The following PPP1R1C variants were observed in gnomAD, a reference collection of about 807,000 sequenced individuals.
The protein encoded by PPP1R1C is protein phosphatase 1 regulatory inhibitor subunit 1C.
A neutral mutation model predicts 17.4 loss-of-function variants in PPP1R1C; 15 were observed. The ratio of observed to expected loss-of-function variants is 0.86; its 90% CI spans 0.58 to 1.33. The LOEUF (loss-of-function observed/expected upper bound fraction) is 1.33. Ranked by LOEUF, PPP1R1C falls within the 40% of genes most tolerant of loss-of-function variation. PPP1R1C has a pLI of 0.00. For synonymous variants in PPP1R1C, 35 were observed against 43.1 expected, an observed-to-expected ratio of 0.81 and a Z score of 0.73; for missense variants, 143 against 130.0, an observed-to-expected ratio of 1.10 and a Z score of -0.48.
At chr2:181,955,553 T>G (rs985136252) in intron 1 of PPP1R1C, among the ~76,000 whole-genome samples, 1 of 152,242 alleles carries the variant, frequency 6.6e-6, no homozygotes, top group African/African-American at 2.4e-5. Flanking sequence ...GCTTTCTATT[T>G]TAGAGTGTTT....
At chr2:181,973,108 G>T (rs1685040385) in intron 1 of PPP1R1C, among the ~76,000 whole-genome samples, 1 of 152,106 alleles carries the variant, frequency 6.6e-6, no homozygotes, top group South Asian at 2.1e-4. Context: ...AAAACAGGTT[G>T]CTGTGGCATA....
intron 1 of PPP1R1C, among the ~76,000 whole-genome samples, chr2:181,969,194 GT>G (rs926255935): frequency 6.6e-6 from 1 of 152,106 alleles, no homozygotes; most frequent in African/African-American, 2.4e-5. Flanking sequence ...TTACCAGTGA[GT>G]TTTATACCTT....
intron 1 of PPP1R1C, among the ~76,000 whole-genome samples, chr2:181,970,078 CA>C (rs1684976909): frequency 6.6e-6 from 1 of 151,556 alleles, no homozygotes; most frequent in Admixed American, 6.6e-5. Context: ...TGAAAGGTCA[CA>C]TATCACATAT....
intron 1 of PPP1R1C, among the ~76,000 whole-genome samples, chr2:181,973,006 T>TA (rs1685038198): frequency 6.6e-6 from 1 of 152,178 alleles, no homozygotes; most frequent in Non-Finnish European, 1.5e-5. Context: ...TTACGCTTTT[T>TA]AAAACTGGAT....
intron 2 of PPP1R1C, among the ~76,000 whole-genome samples, chr2:182,047,420 A>G (rs1687380291): frequency 1.3e-5 from 2 of 152,166 alleles, no homozygotes; most frequent in South Asian, 4.1e-4. Context: ...TCTAATCTGT[A>G]AAAGTTATGT....
intron 2 of PPP1R1C, among the ~76,000 whole-genome samples, chr2:181,994,025 AAAG>A (rs57846131): frequency 0.29 from 43,969 of 151,864 alleles, 6,582 homozygotes; most frequent in Middle Eastern, 0.36. Flanking sequence ...AAGAAAAAAA[AAAG>A]ATCTATAGTA....
At chr2:182,062,690 T>C (rs1687884102) in intron 3 of PPP1R1C, among the ~76,000 whole-genome samples, 1 of 152,124 alleles carries the variant, frequency 6.6e-6, no homozygotes, top group Admixed American at 6.6e-5. Context: ...ATCTCGATGA[T>C]ACCTTTGAGG....
Position 181,961,627 on chromosome 2 carries a change from T to C in PPP1R1C, n.111+6993T>C. ...CTCAGCATCTCCAACCTTGGTGGAC[T>C]GCGTAGTGACCACTGTGGTGCTCTT... On this transcript the variant is annotated intron_variant and non_coding_transcript_variant, in intron 1 of 5. Transcript: ENST00000464264. The surrounding 1 kb of genome is among the most constrained non-coding windows in gnomAD (Gnocchi z 5.8). 1 of 743,842 alleles carries C rather than the reference T, an allele frequency of 1.3e-6. No homozygotes were observed. The highest frequency in any genetic ancestry group is 1.4e-5 in the South Asian group (1 of 70,388). The allele number at this position is 743,842 out of a possible 1,614,324, so 46.1% of individuals were successfully genotyped here. A position where few individuals can be genotyped will look rare whatever the true frequency, so the allele number is the denominator to read the frequency against.
Position 182,058,217 on chromosome 2 carries a change from C to G in PPP1R1C, c.143-3225C>G, listed in dbSNP as rs573380016. ...TTAGGCTCCTCTTGGCTATGACAGTCTCTCAGACTTTTCTTGTTTTTCATG... is the reference window on the plus strand; with the variant it reads ...TTAGGCTCCTCTTGGCTATGACAGTGTCTCAGACTTTTCTTGTTTTTCATG... On this transcript the variant is annotated intron_variant, in intron 2 of 4. Coordinates refer to ENST00000682840, the MANE Select transcript of PPP1R1C (RefSeq NM_001080545.3). Among the ~76,000 whole-genome samples the G allele has an allele frequency of 2.7e-4, 41 of 152,186 alleles. 1 individual carries two copies. In the South Asian group the frequency reaches 8.3e-3, roughly 31 times the overall value.
intron 4 of PPP1R1C, among the ~76,000 whole-genome samples, chr2:182,101,366 C>T (rs576466424): frequency 4.6e-5 from 7 of 152,182 alleles, no homozygotes; most frequent in Non-Finnish European, 1.0e-4. Flanking sequence ...ATTATACTAA[C>T]AGTCCATTTC....
chr2:181,997,406 G>A (rs1036259195), intron 2 of PPP1R1C, among the ~76,000 whole-genome samples: 1 of 152,086 alleles, frequency 6.6e-6, no homozygotes, highest in African/African-American at 2.4e-5. Context: ...TACAAAAGAG[G>A]CCTGAACCTG....
At chr2:182,002,271 A>G (rs1685789205) in intron 2 of PPP1R1C, among the ~76,000 whole-genome samples, 1 of 152,080 alleles carries the variant, frequency 6.6e-6, no homozygotes, top group Non-Finnish European at 1.5e-5. Context: ...TTTTAGAACT[A>G]TAGGTCTACC....
At chr2:182,017,428 A>G (rs1428097425) in intron 2 of PPP1R1C, among the ~76,000 whole-genome samples, 3 of 152,104 alleles carry the variant, frequency 2.0e-5, no homozygotes, top group South Asian at 4.1e-4. Context: ...TTCAAAAGTT[A>G]TACTTATTTC....
intron 4 of PPP1R1C, among the ~76,000 whole-genome samples, chr2:182,090,628 A>G (rs1367905148): frequency 6.6e-6 from 1 of 152,174 alleles, no homozygotes; most frequent in Non-Finnish European, 1.5e-5. Context: ...TTAGTTTAGG[A>G]TAAATAAATA....
chr2:182,098,387 GTTTC>G (rs1442766644), intron 4 of PPP1R1C, among the ~76,000 whole-genome samples: 1 of 152,096 alleles, frequency 6.6e-6, no homozygotes, highest in African/African-American at 2.4e-5. Flanking sequence ...GATGGATGTG[GTTTC>G]TTATGATGAT....
chr2:182,018,111 A>G (rs527842509), intron 2 of PPP1R1C, among the ~76,000 whole-genome samples: 39 of 152,014 alleles, frequency 2.6e-4, no homozygotes, highest in South Asian at 1.3e-3. Context: ...AAAGCAAAAA[A>G]TGGACAGTAA....
intron 3 of PPP1R1C, 26 bp from the exon 4 acceptor site, chr2:182,063,705 T>C (rs963877403): frequency 6.3e-7 from 1 of 1,597,980 alleles, no homozygotes. Flanking sequence ...AATCTAAGGC[T>C]TTTACTTTTT....
intron 2 of PPP1R1C, among the ~76,000 whole-genome samples, chr2:182,037,940 G>A (rs566298333): frequency 6.6e-6 from 1 of 152,092 alleles, no homozygotes; most frequent in East Asian, 1.9e-4. Context: ...TAAGATATTT[G>A]GAAAATATCT....
At chr2:182,029,338 T>C (rs367804992) in intron 2 of PPP1R1C, among the ~76,000 whole-genome samples, 1 of 152,020 alleles carries the variant, frequency 6.6e-6, no homozygotes, top group Non-Finnish European at 1.5e-5. Flanking sequence ...CATGATTTTG[T>C]AGCGGCTGGT....
Sources: allele counts gnomAD v4.1 joint callset (sites outside exome capture counted in the v4.1 genomes callset), GRCh38; gene constraint gnomAD v4.1.1; non-coding constraint Gnocchi (gnomAD v3.1); transcripts MANE v1.5; gene names NCBI Gene and HGNC (gene_info 2026-07-23, HGNC 2026-07-21).